The following OGFOD1 variants were observed in gnomAD, a reference collection of about 807,000 sequenced individuals.
OGFOD1 encodes prolyl 3-hydroxylase OGFOD1.
A neutral mutation model predicts 67.7 loss-of-function variants in OGFOD1; 54 were observed. That is an observed-to-expected ratio of 0.80 (90% CI 0.64 to 1.00). The LOEUF (loss-of-function observed/expected upper bound fraction) is 1.00. Among genes scored for constraint, OGFOD1 ranks in the 50% least tolerant of loss-of-function variants. The probability of loss-of-function intolerance (pLI) is 0.00; values close to 1 mark genes in which losing one functional copy is unlikely to be tolerated. For synonymous variants in OGFOD1, 221 were observed against 227.0 expected, an observed-to-expected ratio of 0.97 and a Z score of 0.24; for missense variants, 606 against 646.7, an observed-to-expected ratio of 0.94 and a Z score of 0.68.
At chr16:56,453,133 A>T (rs1962398458) in intron 1 of OGFOD1, 130 bp from the exon 2 acceptor site, 1 of 889,982 alleles carries the variant, frequency 1.1e-6, no homozygotes, top group East Asian at 2.6e-5. Flanking sequence ...TTTTTCCCCA[A>T]ATCTTAGACT....
At chr16:56,454,642 A>G in intron 2 of OGFOD1, 1 of 327,660 alleles carries the variant, frequency 3.1e-6, no homozygotes, top group East Asian at 8.8e-5. Context: ...CTGTGCTTCA[A>G]ATTGGGGGGG....
chr16:56,452,117 C>T (rs940858179), intron 1 of OGFOD1: 6 of 208,776 alleles, frequency 2.9e-5, no homozygotes, highest in African/African-American at 1.4e-4. Flanking sequence ...TCAGTTGCTT[C>T]CTAAGTAAAA....
chr16:56,453,146 A>T, intron 1 of OGFOD1, 117 bp from the exon 2 acceptor site: 2 of 993,138 alleles, frequency 2.0e-6, no homozygotes, highest in Non-Finnish European at 3.0e-6. Flanking sequence ...CTTAGACTTT[A>T]AGTATTAGGT....
In OGFOD1 at chr16:56,470,535, G is replaced by T. The variant is rs773631464; in HGVS notation, c.1029G>T (p.Glu343Asp). 1.2e-6 allele frequency: 2 copies of T among 1,614,122 alleles called. No individual in the cohort carries two copies. The highest frequency in any genetic ancestry group is 1.7e-6 in the Non-Finnish European group (2 of 1,180,002). ...GTAAGCTTCCTGAGATATTGAAGGA[G>T]TGCATGAAGTTATTTCGCTCTGAGG... ...EESKLPEILKECMKLFRSEAL... is the reference protein window; with the variant it reads ...EESKLPEILKDCMKLFRSEAL... Residue 343 changes from glutamate (E) to aspartate (D), a missense_variant, in exon 10 of 13, where the codon GAG becomes GAT. Physicochemically the swap from Glu to Asp is conservative, Grantham distance 45 (BLOSUM62 2). Transcript: ENST00000566157.
intron 2 of OGFOD1, among the ~76,000 whole-genome samples, chr16:56,456,051 T>C (rs542246289): frequency 6.6e-6 from 1 of 152,202 alleles, no homozygotes; most frequent in Non-Finnish European, 1.5e-5. Flanking sequence ...GGCTTTCGCT[T>C]GTACTACTGC....
chr16:56,476,820 T>C lies in OGFOD1; in HGVS notation c.*615T>C, dbSNP rs1276811570. 6.6e-6 allele frequency: 1 copy of C among 152,282 alleles called. No homozygotes were observed. The highest frequency in any genetic ancestry group is 1.5e-5 in the Non-Finnish European group (1 of 68,118). The allele number at this position is 152,282 out of a possible 1,614,324, so 9.4% of individuals were successfully genotyped here. ...TGCATCCATGTTTCCAGTGTTTCGG[T>C]TTTTTTAGAAAAACTCATACGTGAT... is the stretch of plus-strand genomic sequence containing the variant. On this transcript the variant is annotated 3_prime_UTR_variant, in exon 13 of 13. Transcript: ENST00000566157.
chr16:56,462,079 C>T (rs1356215013), intron 3 of OGFOD1, among the ~76,000 whole-genome samples: 2 of 147,988 alleles, frequency 1.4e-5, no homozygotes, highest in Non-Finnish European at 3.0e-5. Flanking sequence ...GGCAACAGAG[C>T]AAGACTCTAT....
chr16:56,451,858 G>C, intron 1 of OGFOD1, 92 bp downstream of exon 1: 1 of 1,431,318 alleles, frequency 7.0e-7, no homozygotes, highest in Non-Finnish European at 9.4e-7. Flanking sequence ...TGGGCAGCGG[G>C]GCCGCAAGGG....
intron 1 of OGFOD1, 130 bp from the exon 2 acceptor site, chr16:56,453,133 A>G (rs1962398458): frequency 1.1e-6 from 1 of 889,982 alleles, no homozygotes; most frequent in African/African-American, 1.7e-5. Flanking sequence ...TTTTTCCCCA[A>G]ATCTTAGACT....
In OGFOD1 at chr16:56,477,948, T is replaced by C. The variant is rs75706598; in HGVS notation, c.*1743T>C. The C allele has an allele frequency of 3.3e-5, 5 of 152,348 alleles. No homozygotes were observed. Among genetic ancestry groups the C allele is most frequent in the Non-Finnish European group, 7.4e-5 (5 of 68,024 alleles). The allele number at this position is 152,348 out of a possible 1,614,324, so 9.4% of individuals were successfully genotyped here. ...TTCAAAAAGGTTTAATTCTGCACCCTAGCCAGTTAAGAAATGTTTTAGCAG... is the reference window on the plus strand; with the variant it reads ...TTCAAAAAGGTTTAATTCTGCACCCCAGCCAGTTAAGAAATGTTTTAGCAG... On this transcript the variant is annotated 3_prime_UTR_variant, in exon 13 of 13. Transcript: ENST00000566157.
intron 4 of OGFOD1, 23 bp from the exon 5 acceptor site, chr16:56,466,129 A>C: frequency 6.4e-7 from 1 of 1,553,390 alleles, no homozygotes; most frequent in Non-Finnish European, 8.9e-7. Context: ...CAGGGATCTA[A>C]GGTGTCCATT....
intron 3 of OGFOD1, among the ~76,000 whole-genome samples, chr16:56,459,715 AT>A (rs1158282574): frequency 6.6e-6 from 1 of 152,256 alleles, no homozygotes; most frequent in Non-Finnish European, 1.5e-5. Context: ...AGAGAAAAAA[AT>A]AATACACACA....
rs142010052 is a variant in OGFOD1, at chr16:56,474,898, C to T, written c.1356C>T (p.Asp452=). The change falls in exon 11 of 13, where the codon GAC becomes GAT. Residue 452 remains aspartate (D), a synonymous_variant. Coordinates refer to ENST00000566157, the MANE Select transcript of OGFOD1 (RefSeq NM_018233.4). The stretch of plus-strand genomic sequence containing the variant: ...CCGGTCACTACACTTTAATTCATGA[C>T]CATAGCAAGGCTGAATTTGCCCTAG... ...WKTGHYTLIH[D]HSKAEFALDL... is the part of the protein sequence containing the mutation. The T allele has an allele frequency of 9.4e-5, 152 of 1,613,524 alleles. No homozygotes were observed. The African/African-American group carries it at 1.9e-3, about 20-fold the overall frequency.
At chr16:56,471,275 T>C (rs1363471665) in intron 10 of OGFOD1, among the ~76,000 whole-genome samples, 1 of 150,454 alleles carries the variant, frequency 6.6e-6, no homozygotes, top group Non-Finnish European at 1.5e-5. Context: ...GGTGGAAGAA[T>C]CACTTGAACC....
chr16:56,467,834 G>A (rs1020771253), intron 7 of OGFOD1, 71 bp from the exon 8 acceptor site: 8 of 789,448 alleles, frequency 1.0e-5, no homozygotes, highest in Admixed American at 3.7e-5. Context: ...TTTTATTAGT[G>A]TGAAATGATG....
chr16:56,465,686 A>AT (rs1411637899), intron 4 of OGFOD1: 2 of 153,728 alleles, frequency 1.3e-5, no homozygotes, highest in African/African-American at 4.8e-5. Flanking sequence ...AAACAACTTA[A>AT]TTAACAAATA....
rs150066517 is a variant in OGFOD1, at chr16:56,451,708, A to G, written c.96A>G (p.Glu32=). Residue 32 remains glutamate, a synonymous_variant, in exon 1 of 13, where the codon GAA becomes GAG. Transcript: ENST00000566157. ...VMAEFSDAVT[E]ETLKKQVAEA... is the part of the protein sequence containing the mutation. ...CGGAGTTTTCGGACGCTGTTACGGA[A>G]GAAACCTTGAAAAAGCAGGTGGCTG... 587 of 1,614,082 alleles carry G rather than the reference A, an allele frequency of 3.6e-4. 3 individuals are homozygous for G. In the East Asian group the frequency reaches 0.012, roughly 34 times the overall value.
intron 10 of OGFOD1, among the ~76,000 whole-genome samples, chr16:56,471,268 G>A (rs758187222): frequency 3.3e-5 from 5 of 151,792 alleles, no homozygotes; most frequent in Admixed American, 6.6e-5. Context: ...AGGCTGAGGT[G>A]GAAGAATCAC....
At chr16:56,469,682 C>A (rs1963061004) in intron 8 of OGFOD1, among the ~76,000 whole-genome samples, 2 of 151,884 alleles carry the variant, frequency 1.3e-5, no homozygotes, top group Admixed American at 6.6e-5. Context: ...GAAACCCCAT[C>A]TCTACTAAAA....
Sources: gnomAD v4.1 joint callset for allele counts (sites outside exome capture counted in the v4.1 genomes callset) on GRCh38, gnomAD v4.1.1 for gene constraint, MANE v1.5 for transcripts, NCBI Gene and HGNC (gene_info 2026-07-23, HGNC 2026-07-21) for gene names.